The following CNDP1 variants were observed in gnomAD, a reference collection of about 807,000 sequenced individuals.
CNDP1 encodes carnosine dipeptidase 1.
A neutral mutation model predicts 58.1 loss-of-function variants in CNDP1; 44 were observed. That is an observed-to-expected ratio of 0.76 (90% CI 0.60 to 0.97). CNDP1 has a LOEUF of 0.97. Among genes scored for constraint, CNDP1 ranks in the 50% least tolerant of loss-of-function variants. The probability of loss-of-function intolerance (pLI) is 0.00; values close to 1 mark genes in which losing one functional copy is unlikely to be tolerated. For missense variants in CNDP1, 616 were observed against 655.1 expected, an observed-to-expected ratio of 0.94 and a Z score of 0.65; for synonymous variants, 254 against 252.6, an observed-to-expected ratio of 1.01 and a Z score of -0.05.
At chr18:74,553,773 A>G (rs1476492015) in intron 1 of CNDP1, among the ~76,000 whole-genome samples, 2 of 152,178 alleles carry the variant, frequency 1.3e-5, no homozygotes, top group East Asian at 3.8e-4. Context: ...CCAGAGGTTA[A>G]AACTTCTGCC....
rs554135266 is a variant in CNDP1 at position 74,534,674 on chromosome 18, C to T, written c.7C>T (p.Pro3Ser). The part of the protein sequence containing the change: MD[P>S]KLGRMAASLL... ...GCTTCAGAACTCCAGCCTAATGGAT[C>T]CCAAACTCGGGAGAATGGTGAGTAG... The change falls in exon 1 of 12, where the codon CCC becomes TCC. Residue 3 changes from proline to serine, a missense_variant. Coordinates refer to ENST00000358821, the MANE Select transcript of CNDP1 (RefSeq NM_032649.6). 1.2e-6 allele frequency: 2 copies of T among 1,614,136 alleles called. No homozygotes were observed. The highest frequency in any genetic ancestry group is 2.2e-5 in the East Asian group (1 of 44,874).
intron 8 of CNDP1, 56 bp from the exon 9 acceptor site, chr18:74,578,107 C>T (rs1454420428): frequency 1.3e-6 from 2 of 1,535,992 alleles, no homozygotes; most frequent in Non-Finnish European, 1.8e-6. Flanking sequence ...ACACAAGCAA[C>T]CCAGGTCCAC....
At chr18:74,553,501 A>G (rs1469913083) in intron 1 of CNDP1, among the ~76,000 whole-genome samples, 2 of 152,156 alleles carry the variant, frequency 1.3e-5, no homozygotes, top group African/African-American at 4.8e-5. Flanking sequence ...TGCCAGCACT[A>G]TTTATTGAAA....
chr18:74,559,193 T>C (rs932082294), intron 2 of CNDP1, 130 bp from the exon 3 acceptor site: 1 of 826,416 alleles, frequency 1.2e-6, no homozygotes, highest in Admixed American at 2.2e-5. Context: ...ACTGGCACTG[T>C]CATAGGTCCT....
chr18:74,553,892 T>C (rs1980971153), intron 1 of CNDP1, among the ~76,000 whole-genome samples: 1 of 152,164 alleles, frequency 6.6e-6, no homozygotes, highest in Non-Finnish European at 1.5e-5. Flanking sequence ...TGGGACATGG[T>C]CTGCGTTTCA....
Position 74,584,889 on chromosome 18 carries a change from C to T in CNDP1, c.*327C>T, listed in dbSNP as rs765097709. On this transcript the variant is annotated 3_prime_UTR_variant, in exon 12 of 12. Transcript: ENST00000358821. ...ATCTCCAACCTTGCAATTTGATTGG[C>T]ATAATCACTCCAGTTTGCTTTCTAG... The T allele has an allele frequency of 7.8e-5, 19 of 244,216 alleles. No homozygotes were observed. Among genetic ancestry groups the T allele is most frequent in the Non-Finnish European group, 1.2e-4 (15 of 125,314 alleles). 15.1% of individuals were successfully genotyped at this position (244,216 alleles called of 1,614,324 possible).
intron 1 of CNDP1, among the ~76,000 whole-genome samples, chr18:74,552,866 C>A (rs949869258): frequency 2.0e-5 from 3 of 152,214 alleles, no homozygotes; most frequent in Non-Finnish European, 4.4e-5. Flanking sequence ...CGACTGTTTT[C>A]CACAGTGGCT....
At chr18:74,541,288 T>C (rs1405857496) in intron 1 of CNDP1, among the ~76,000 whole-genome samples, 1 of 152,176 alleles carries the variant, frequency 6.6e-6, no homozygotes, top group Non-Finnish European at 1.5e-5. Context: ...GGCACAGTGA[T>C]CGGATCCTCC....
In CNDP1 at chr18:74,577,146, T is replaced by C. The variant is rs1981655696; in HGVS notation, c.1002+117T>C. On this transcript the variant is annotated intron_variant, in intron 8 of 11. Coordinates refer to ENST00000358821, the MANE Select transcript of CNDP1 (RefSeq NM_032649.6). ...TCCGTATCTTAGAATCCAAAGCAGA[T>C]GTGAATTCCCAGGCATATTTTTGAC... The C allele has an allele frequency of 5.1e-6, 5 of 971,620 alleles. No individual in the cohort carries two copies. In the Admixed American group the frequency reaches 1.2e-4, roughly 23 times the overall value. 60.2% of individuals were successfully genotyped at this position (971,620 alleles called of 1,614,324 possible).
At position 74,559,451 on chromosome 18, in the gene CNDP1, G is replaced by A. The variant is rs146029062; in HGVS notation, c.282G>A (p.Ser94=). The change falls in exon 3 of 12, where the codon TCG becomes TCA. Residue 94 remains serine (S), a synonymous_variant. Transcript: ENST00000358821. ...AGCGCCTGGGGGCCCGTGTGGCCTC[G>A]GTGGACATGGGTCCTCAGCAGGTGC... ...TLQRLGARVA[S]VDMGPQQLPD... The A allele has an allele frequency of 2.0e-4, 324 of 1,609,326 alleles. No homozygotes were observed. The highest frequency in any genetic ancestry group is 2.5e-4 in the Non-Finnish European group (295 of 1,179,866).
intron 6 of CNDP1, among the ~76,000 whole-genome samples, chr18:74,570,497 G>A (rs1162815694): frequency 6.6e-6 from 1 of 152,202 alleles, no homozygotes; most frequent in Non-Finnish European, 1.5e-5. Flanking sequence ...GATAAGAACT[G>A]ATAGTGGAAG....
chr18:74,567,108 TC>T (rs1568297538), intron 5 of CNDP1, 124 bp from the exon 6 acceptor site: 1 of 719,190 alleles, frequency 1.4e-6, no homozygotes. Flanking sequence ...TTCAATTACC[TC>T]CCCCTGGGTC....
intron 8 of CNDP1, chr18:74,577,550 C>T (rs1444990299): frequency 6.6e-6 from 1 of 152,604 alleles, no homozygotes; most frequent in Non-Finnish European, 1.5e-5. Flanking sequence ...CTTCCTCTTT[C>T]TGGGCAGCAT....
intron 5 of CNDP1, among the ~76,000 whole-genome samples, chr18:74,566,960 G>C (rs767378172): frequency 6.6e-6 from 1 of 152,196 alleles, no homozygotes; most frequent in Non-Finnish European, 1.5e-5. Context: ...TCAGAATCAC[G>C]ACAGGAGGCA....
intron 6 of CNDP1, among the ~76,000 whole-genome samples, chr18:74,569,117 G>A (rs1981404117): frequency 6.6e-6 from 1 of 152,120 alleles, no homozygotes; most frequent in Non-Finnish European, 1.5e-5. Context: ...AGGACAAGGG[G>A]AGCTGTCATC....
At position 74,534,694 on chromosome 18, in the gene CNDP1, G is replaced by A. The variant is rs1980441106; in HGVS notation, c.24+3G>A. ...TGGATCCCAAACTCGGGAGAATGGT[G>A]AGTAGGACCTCCTCCATCAGAGTCC... On this transcript the variant is annotated splice_donor_region_variant and intron_variant, in intron 1 of 11. Transcript: ENST00000358821. The A allele has an allele frequency of 3.1e-6, 5 of 1,614,014 alleles. No homozygotes were observed. Among genetic ancestry groups the A allele is most frequent in the Non-Finnish European group, 3.4e-6 (4 of 1,180,004 alleles).
rs570510264 is a variant in CNDP1 at position 74,562,164 on chromosome 18, G to T, written c.555+29G>T. 1.9e-6 allele frequency: 3 copies of T among 1,601,002 alleles called. No homozygotes were observed. The African/African-American group carries it at 4.0e-5, about 21-fold the overall frequency. On this transcript the variant is annotated intron_variant, in intron 5 of 11. Transcript: ENST00000358821. The stretch of plus-strand genomic sequence containing the variant: ...GGTGGCAGCTGTGTTTGGGAGAGAG[G>T]AGGAGGAGGATGGTAACGACAACTT...
At chr18:74,554,055 G>A (rs889989731) in intron 1 of CNDP1, among the ~76,000 whole-genome samples, 1 of 152,194 alleles carries the variant, frequency 6.6e-6, no homozygotes, top group Non-Finnish European at 1.5e-5. Context: ...AGAGGTACCC[G>A]AAGGAGTACA....
At chr18:74,541,861 A>G (rs973194946) in intron 1 of CNDP1, among the ~76,000 whole-genome samples, 20 of 152,234 alleles carry the variant, frequency 1.3e-4, no homozygotes, top group African/African-American at 4.3e-4. Context: ...CTTTCATGGT[A>G]CACGTGGCTC....
Sources: allele counts gnomAD v4.1 joint callset (sites outside exome capture counted in the v4.1 genomes callset), GRCh38; gene constraint gnomAD v4.1.1; transcripts MANE v1.5; gene names NCBI Gene and HGNC (gene_info 2026-07-23, HGNC 2026-07-21).